The following SCFD2 variants were observed in gnomAD, a reference collection of about 807,000 sequenced individuals.
SCFD2 encodes the protein sec1 family domain-containing protein 2.
Under a neutral mutation model 58.9 loss-of-function variants are expected in SCFD2, and 54 were observed. That is an observed-to-expected ratio of 0.92 (90% CI 0.74 to 1.15). The LOEUF is 1.15. SCFD2 is among the 50% of genes most tolerant of loss of function. The pLI is 0.00. For missense variants in SCFD2, 805 were observed against 836.6 expected (o/e 0.96, Z 0.47); for synonymous variants, 321 against 335.9 (o/e 0.96, Z 0.49).
At chr4:52,981,898 G>C (rs1721382626) in intron 5 of SCFD2, among the ~76,000 whole-genome samples, 1 of 152,190 alleles carries the variant, frequency 6.6e-6, no homozygotes, top group Admixed American at 6.5e-5. Context: ...AGACCAGCTG[G>C]AGGTTCTTAC....
In SCFD2 at chr4:52,953,069, C is replaced by T. The variant is rs558715631; in HGVS notation, c.1562-32199G>A. 1.7e-3 allele frequency among the ~76,000 whole-genome samples: 257 copies of T among 152,252 alleles called. 2 individuals carry two copies. In the Middle Eastern group the frequency reaches 0.017, roughly 10 times the overall value. ...GGCTCCTTGGAAAAGTATAAACAAA[C>T]GAATAACAGTAACAACAACTACAAC... On this transcript the variant is annotated intron_variant, in intron 5 of 8. Coordinates refer to ENST00000401642, the MANE Select transcript of SCFD2 (RefSeq NM_152540.4).
At chr4:53,263,730 C>T (rs1264719053) in intron 4 of SCFD2, among the ~76,000 whole-genome samples, 1 of 152,188 alleles carries the variant, frequency 6.6e-6, no homozygotes, top group East Asian at 1.9e-4. Context: ...GTCGGTTGGC[C>T]TCCAGCCAGG....
chr4:53,319,186 G>A lies in SCFD2; in HGVS notation c.1008-5423C>T, dbSNP rs557034002. 2.0e-5 allele frequency among the ~76,000 whole-genome samples: 3 copies of A among 152,320 alleles called. No individual in the cohort carries two copies. In the South Asian group the frequency reaches 6.2e-4, roughly 32 times the overall value. ...AAAGGACAGGATGGAATGGAGTGAA[G>A]AGTAAAGTAGATCCACATTAATTCC... On this transcript the variant is annotated intron_variant, in intron 2 of 8. Coordinates refer to ENST00000401642, the MANE Select transcript of SCFD2 (RefSeq NM_152540.4).
In SCFD2 at chr4:52,920,824, G is replaced by T; in HGVS notation, c.1608C>A (p.Ala536=). The change falls in exon 6 of 9, where the codon GCC becomes GCA. Residue 536 remains alanine (A), a synonymous_variant. Coordinates refer to ENST00000401642, the MANE Select transcript of SCFD2 (RefSeq NM_152540.4). ...GAAGTGAAGTAAAGAGTTCATCCAC[G>T]GCAATTTTGGATTTGTGAAATGTCA... is the stretch of plus-strand genomic sequence containing the variant. The part of the protein sequence containing the change: ...INLTFHKSKI[A]VDELFTSLRD... 6.2e-7 allele frequency: 1 copy of T among 1,610,866 alleles called. No individual in the cohort carries two copies. Among genetic ancestry groups the T allele is most frequent in the Non-Finnish European group, 8.5e-7 (1 of 1,177,808 alleles).
Position 53,254,079 on chromosome 4 carries a change from C to T in SCFD2, c.1311+19747G>A, listed in dbSNP as rs181959537. Reference sequence around the variant, plus strand: ...GACAAATAGAGGGGAACAACACACACTGGGGCCTACCTGAGGGTGGAGGGT... The same window carrying T: ...GACAAATAGAGGGGAACAACACACATTGGGGCCTACCTGAGGGTGGAGGGT... On this transcript the variant is annotated intron_variant, in intron 4 of 8. Transcript: ENST00000401642. Among the ~76,000 whole-genome samples, 331 of 152,200 alleles carry T rather than the reference C, an allele frequency of 2.2e-3. 4 individuals carry two copies. Among genetic ancestry groups the T allele is most frequent in the Non-Finnish European group, 3.8e-3 (259 of 67,998 alleles).
chr4:53,250,346 A>G (rs1025041209), intron 4 of SCFD2, among the ~76,000 whole-genome samples: 2 of 152,182 alleles, frequency 1.3e-5, no homozygotes, highest in Non-Finnish European at 2.9e-5. Context: ...CCACACAATA[A>G]TAATGGGAGA....
At chr4:53,223,141 T>C (rs1729098677) in intron 4 of SCFD2, among the ~76,000 whole-genome samples, 2 of 152,358 alleles carry the variant, frequency 1.3e-5, no homozygotes, top group Non-Finnish European at 1.5e-5. Context: ...CATTTTATTT[T>C]TAAACTAAAA....
chr4:52,950,395 A>C (rs570705558), intron 5 of SCFD2: 1 of 152,354 alleles, frequency 6.6e-6, no homozygotes, highest in South Asian at 2.1e-4. Flanking sequence ...AATGTTCTAC[A>C]TTCCTGAGAA....
chr4:53,054,396 G>A (rs1228155788), intron 5 of SCFD2, among the ~76,000 whole-genome samples: 1 of 152,158 alleles, frequency 6.6e-6, no homozygotes, highest in African/African-American at 2.4e-5. Flanking sequence ...CTAGAGGGCA[G>A]AATTTTGTAT....
chr4:53,208,727 A>C (rs1221247910), intron 4 of SCFD2, among the ~76,000 whole-genome samples: 2 of 152,240 alleles, frequency 1.3e-5, no homozygotes, highest in African/African-American at 4.8e-5. Flanking sequence ...TAGGCAAAGA[A>C]GGAACTAGAA....
At chr4:53,045,584 T>A (rs1723020681) in intron 5 of SCFD2, among the ~76,000 whole-genome samples, 2 of 152,178 alleles carry the variant, frequency 1.3e-5, no homozygotes, top group African/African-American at 4.8e-5. Flanking sequence ...AATTTTTAAT[T>A]TCTCTCAAAA....
chr4:53,271,996 C>T (rs1731183811), intron 4 of SCFD2, among the ~76,000 whole-genome samples: 1 of 152,124 alleles, frequency 6.6e-6, no homozygotes, highest in South Asian at 2.1e-4. Flanking sequence ...TGAACTCAAA[C>T]ACATTTACAA....
intron 1 of SCFD2, among the ~76,000 whole-genome samples, chr4:53,363,472 T>C (rs1734604822): frequency 6.6e-6 from 1 of 152,066 alleles, no homozygotes; most frequent in Non-Finnish European, 1.5e-5. Context: ...GACTACGTTA[T>C]ATTGATACTT....
chr4:53,001,908 T>A (rs1165619776), intron 5 of SCFD2, among the ~76,000 whole-genome samples: 1 of 152,198 alleles, frequency 6.6e-6, no homozygotes, highest in African/African-American at 2.4e-5. Flanking sequence ...TTGGCCCAAA[T>A]TAATCTAAGT....
chr4:53,086,894 G>T (rs923995883), intron 5 of SCFD2, among the ~76,000 whole-genome samples: 15 of 152,112 alleles, frequency 9.9e-5, no homozygotes, highest in Non-Finnish European at 1.5e-5. Context: ...AAGGGCAATG[G>T]GGGGTTGTGG....
At chr4:53,233,147 C>T (rs1729490295) in intron 4 of SCFD2, among the ~76,000 whole-genome samples, 1 of 151,832 alleles carries the variant, frequency 6.6e-6, no homozygotes, top group South Asian at 2.1e-4. Context: ...TTCTCCAAGG[C>T]TAATGCTAAA....
chr4:52,961,275 TG>T (rs892539756), intron 5 of SCFD2, among the ~76,000 whole-genome samples: 15 of 152,198 alleles, frequency 9.9e-5, no homozygotes, highest in African/African-American at 3.6e-4. Flanking sequence ...TTCTCCTTTT[TG>T]GGGGGCTGCT....
chr4:53,093,915 T>G (rs1022440516), intron 5 of SCFD2, among the ~76,000 whole-genome samples: 1 of 152,154 alleles, frequency 6.6e-6, no homozygotes, highest in Non-Finnish European at 1.5e-5. Flanking sequence ...ATGTAATTTT[T>G]AAACTTTTGG....
At chr4:53,328,814 T>A (rs1442786028) in intron 2 of SCFD2, among the ~76,000 whole-genome samples, 1 of 152,248 alleles carries the variant, frequency 6.6e-6, no homozygotes, top group African/African-American at 2.4e-5. Context: ...AGGTGATTTC[T>A]GCATTTCCAT....
Sources: gnomAD v4.1 joint callset for allele counts (sites outside exome capture counted in the v4.1 genomes callset) on GRCh38, gnomAD v4.1.1 for gene constraint, MANE v1.5 for transcripts, NCBI Gene and HGNC (gene_info 2026-07-23, HGNC 2026-07-21) for gene names.